B3GALT5: variants seen among roughly 807,000 people sequenced by gnomAD.
B3GALT5 encodes beta-1,3-galactosyltransferase 5.
For synonymous variants in B3GALT5, 156 were observed against 158.6 expected, an observed-to-expected ratio of 0.98 and a Z score of 0.12; for missense variants, 328 against 396.6, an observed-to-expected ratio of 0.83 and a Z score of 1.47.
intron 1 of B3GALT5, among the ~76,000 whole-genome samples, chr21:39,627,889 T>C (rs1262864104): frequency 6.6e-6 from 1 of 152,216 alleles, no homozygotes; most frequent in African/African-American, 2.4e-5. Context: ...AACATTTTCA[T>C]TTTAAACCAG....
At chr21:39,643,585 G>A (rs775672644) in intron 1 of B3GALT5, among the ~76,000 whole-genome samples, 25 of 152,154 alleles carry the variant, frequency 1.6e-4, no homozygotes, top group Non-Finnish European at 2.9e-4. Context: ...TTGAATTTGC[G>A]TTTCCTCTTT....
intron 2 of B3GALT5, among the ~76,000 whole-genome samples, chr21:39,652,726 C>G (rs978794128): frequency 1.3e-5 from 2 of 152,228 alleles, no homozygotes; most frequent in African/African-American, 4.8e-5. Flanking sequence ...GATCAAGGAT[C>G]CTGCCTTCAA....
chr21:39,614,797 G>GC (rs930356192), intron 1 of B3GALT5, among the ~76,000 whole-genome samples: 33 of 152,156 alleles, frequency 2.2e-4, no homozygotes, highest in African/African-American at 6.5e-4. Flanking sequence ...CCCAGGGGAT[G>GC]CCCCCCATGC....
chr21:39,614,884 C>G (rs117043497), intron 1 of B3GALT5, among the ~76,000 whole-genome samples: 4 of 152,310 alleles, frequency 2.6e-5, no homozygotes, highest in Non-Finnish European at 5.9e-5. Flanking sequence ...GATCCTGAAT[C>G]CTGGTTACAG....
intron 1 of B3GALT5, among the ~76,000 whole-genome samples, chr21:39,633,231 C>T (rs1951056937): frequency 6.6e-6 from 1 of 152,130 alleles, no homozygotes; most frequent in Admixed American, 6.5e-5. Flanking sequence ...ACTGCAATCC[C>T]TTGGTAACAA....
At chr21:39,635,611 T>A (rs2079221733) in intron 1 of B3GALT5, among the ~76,000 whole-genome samples, 1 of 152,174 alleles carries the variant, frequency 6.6e-6, no homozygotes, top group South Asian at 2.1e-4. Context: ...CCCAAGTAGC[T>A]GGGATTACAG....
Position 39,661,418 on chromosome 21 carries a change from A to G in B3GALT5, c.859A>G (p.Ile287Val), listed in dbSNP as rs200876589. Residue 287 changes from isoleucine (I) to valine (V), a missense_variant, in exon 4 of 4, where the codon ATC becomes GTC. Ile to Val is a conservative substitution (Grantham distance 29, BLOSUM62 3). Transcript: ENST00000684187. The surrounding 1 kb of genome is among the most constrained non-coding windows in gnomAD (Gnocchi z 4.7). ...CAGGAGGATCGTGGCCTGCCACTTC[A>G]TCAAGCCTCGGACTCTCTTGGACTA... ...LFRRIVACHF[I>V]KPRTLLDYWQ... The G allele has an allele frequency of 1.1e-4, 175 of 1,555,444 alleles. 3 individuals carry two copies. In the East Asian group the frequency reaches 3.8e-3, roughly 34 times the overall value.
intron 1 of B3GALT5, among the ~76,000 whole-genome samples, chr21:39,621,134 C>T (rs1366220421): frequency 6.6e-6 from 1 of 152,182 alleles, no homozygotes; most frequent in Non-Finnish European, 1.5e-5. Flanking sequence ...TCCTTGTCTT[C>T]ACCTTCACCT....
At chr21:39,658,707 G>C (rs2079476199) in intron 2 of B3GALT5, among the ~76,000 whole-genome samples, 1 of 152,132 alleles carries the variant, frequency 6.6e-6, no homozygotes, top group South Asian at 2.1e-4. Context: ...ACAAGTTCTG[G>C]TCTCCTGCTT....
Position 39,622,384 on chromosome 21 carries a change from T to C in B3GALT5, c.-392+9317T>C, listed in dbSNP as rs2123686374. ...AAAATAAAATTTATTCTTAGAATGC[T>C]ATCAATTTTTTGTTATATGTTTTGA... On this transcript the variant is annotated intron_variant, in intron 1 of 3. Coordinates refer to ENST00000684187, the MANE Select transcript of B3GALT5 (RefSeq NM_001356336.2). Among the ~76,000 whole-genome samples the C allele has an allele frequency of 1.3e-5, 2 of 152,280 alleles. 1 individual carries two copies. Among genetic ancestry groups the C allele is most frequent in the South Asian group, 4.1e-4 (2 of 4,824 alleles).
chr21:39,615,266 A>G (rs543620273), intron 1 of B3GALT5, among the ~76,000 whole-genome samples: 18 of 152,150 alleles, frequency 1.2e-4, no homozygotes, highest in Non-Finnish European at 1.2e-4. Context: ...AGTTTTGACA[A>G]CACTTCTTTG....
chr21:39,624,620 C>G (rs1265085136), intron 1 of B3GALT5, among the ~76,000 whole-genome samples: 1 of 152,122 alleles, frequency 6.6e-6, no homozygotes, highest in East Asian at 1.9e-4. Context: ...GCTGGTTTTA[C>G]TGAGGTGGAG....
At chr21:39,648,969 A>G (rs559806498) in intron 2 of B3GALT5, among the ~76,000 whole-genome samples, 3 of 152,238 alleles carry the variant, frequency 2.0e-5, no homozygotes. Context: ...TCCTGTCTCC[A>G]GTACCATGAG....
chr21:39,653,116 C>G (rs941121822), intron 2 of B3GALT5, among the ~76,000 whole-genome samples: 1 of 152,144 alleles, frequency 6.6e-6, no homozygotes, highest in Admixed American at 6.5e-5. Flanking sequence ...GTCAATAATT[C>G]TCCACCAAAG....
chr21:39,660,980 T>C lies in B3GALT5; in HGVS notation c.421T>C (p.Trp141Arg), dbSNP rs368725752. ...CCTGAAGACCATGATGGGCATAGAATGGGTCCATCGCTTTTGTCCTCAGGC... is the reference window on the plus strand; with the variant it reads ...CCTGAAGACCATGATGGGCATAGAACGGGTCCATCGCTTTTGTCCTCAGGC... ...LTLKTMMGIE[W>R]VHRFCPQAAF... Residue 141 changes from tryptophan (W) to arginine (R), a missense_variant, in exon 4 of 4, where the codon TGG (tryptophan) becomes CGG (arginine). Coordinates refer to ENST00000684187, the MANE Select transcript of B3GALT5 (RefSeq NM_001356336.2). 1.6e-5 allele frequency: 26 copies of C among 1,611,000 alleles called. No homozygotes were observed. The highest frequency in any genetic ancestry group is 2.0e-5 in the Non-Finnish European group (24 of 1,177,808).
At position 39,661,482 on chromosome 21, in the gene B3GALT5, C is replaced by T. The variant is rs764255566; in HGVS notation, c.923C>T (p.Pro308Leu). 1.4e-5 allele frequency: 21 copies of T among 1,507,986 alleles called. No individual in the cohort carries two copies. Among genetic ancestry groups the T allele is most frequent in the South Asian group, 1.1e-4 (8 of 72,348 alleles). 93.4% of individuals were successfully genotyped at this position (1,507,986 alleles called of 1,614,324 possible). The change falls in exon 4 of 4, where the codon CCG becomes CTG. Residue 308 changes from proline (P) to leucine (L), a missense_variant. Transcript: ENST00000684187. The surrounding 1 kb of genome is among the most constrained non-coding windows in gnomAD (Gnocchi z 4.7). ...ALENSRGEDCPPV is the reference protein window; with the variant it reads ...ALENSRGEDCLPV Reference sequence around the variant, plus strand: ...GAGAATTCCCGGGGGGAAGATTGTCCGCCTGTCTGAGGGGAGCCCAGAGGC... The same window carrying T: ...GAGAATTCCCGGGGGGAAGATTGTCTGCCTGTCTGAGGGGAGCCCAGAGGC...
intron 1 of B3GALT5, among the ~76,000 whole-genome samples, chr21:39,619,330 C>T (rs1404912177): frequency 6.6e-6 from 1 of 152,098 alleles, no homozygotes; most frequent in Non-Finnish European, 1.5e-5. Flanking sequence ...TCTTATGAGG[C>T]CACCAACCCT....
intron 2 of B3GALT5, chr21:39,658,018 C>A: frequency 3.5e-6 from 3 of 860,956 alleles, no homozygotes; most frequent in Non-Finnish European, 4.6e-6. Flanking sequence ...GGGACACAGG[C>A]TGCCCTTTCC....
chr21:39,627,409 C>T lies in B3GALT5; in HGVS notation c.-392+14342C>T, dbSNP rs577340406. Among the ~76,000 whole-genome samples, 325 of 152,312 alleles carry T rather than the reference C, an allele frequency of 2.1e-3. 2 individuals carry two copies. The highest frequency in any genetic ancestry group is 7.6e-3 in the African/African-American group (315 of 41,572). ...TAGTGAAAGAGCACATTAACACCTA[C>T]CTTGCAGCTGGTGGTGAGGATTCAT... On this transcript the variant is annotated intron_variant, in intron 1 of 3. Transcript: ENST00000684187.
Sources: allele counts gnomAD v4.1 joint callset (sites outside exome capture counted in the v4.1 genomes callset), GRCh38; gene constraint gnomAD v4.1.1; non-coding constraint Gnocchi (gnomAD v3.1); transcripts MANE v1.5; gene names NCBI Gene and HGNC (gene_info 2026-07-23, HGNC 2026-07-21).